MTERF4: variants seen among roughly 807,000 people sequenced by gnomAD.
The protein encoded by MTERF4 is mitochondrial transcription termination factor 4.
Under a neutral mutation model 22.5 loss-of-function variants are expected in MTERF4, and 17 were observed. That is an observed-to-expected ratio of 0.75 (90% CI 0.52 to 1.13). The LOEUF (loss-of-function observed/expected upper bound fraction) is 1.13. Among genes scored for constraint, MTERF4 ranks in the 50% most tolerant of loss-of-function variants. The probability of loss-of-function intolerance (pLI) is 0.00; values close to 1 mark genes in which losing one functional copy is unlikely to be tolerated. For missense variants in MTERF4, 420 were observed against 466.8 expected (o/e 0.90, Z 0.92); for synonymous variants, 165 against 175.3 (o/e 0.94, Z 0.47).
the MTERF4 span, chr2:241,052,598 G>T: frequency 2.7e-6 from 2 of 743,952 alleles, no homozygotes; most frequent in South Asian, 3.3e-5. Flanking sequence ...GGCCAAGCAG[G>T]ATATATGGGA....
intron 4 of MTERF4, among the ~76,000 whole-genome samples, chr2:241,078,515 T>C (rs1019222371): frequency 1.3e-5 from 2 of 151,634 alleles, no homozygotes; most frequent in Non-Finnish European, 2.9e-5. Flanking sequence ...CTTGAAAACA[T>C]GCTAAGTGGA....
the MTERF4 span, among the ~76,000 whole-genome samples, chr2:241,062,288 A>G: frequency 6.6e-6 from 1 of 152,320 alleles, no homozygotes; most frequent in Non-Finnish European, 1.5e-5. Flanking sequence ...CCCAGATGTC[A>G]CTAAGTCATT....
At chr2:241,062,715 C>T in the MTERF4 span, 3 of 943,936 alleles carry the variant, frequency 3.2e-6, no homozygotes, top group South Asian at 2.8e-5. Context: ...TCTGGCCCCT[C>T]AGGACTAGTT....
chr2:241,070,774 G>A (rs1394621075), downstream of MTERF4, among the ~76,000 whole-genome samples: 1 of 152,230 alleles, frequency 6.6e-6, no homozygotes, highest in Non-Finnish European at 1.5e-5. Flanking sequence ...GGTCTTCCAA[G>A]TTCACAGAAG....
rs892603497 is a variant in MTERF4 at position 241,073,167 on chromosome 2, C to A, written n.2995G>T. 2 of 841,342 alleles carry A rather than the reference C, an allele frequency of 2.4e-6. No homozygotes were observed. 52.1% of individuals were successfully genotyped at this position (841,342 alleles called of 1,614,324 possible). ...GAGCCTGGTCCCCACCAGGGACATC[C>A]GTGCTCCCTGAGATATAGAAGCACT... On this transcript the variant is annotated non_coding_transcript_exon_variant, in exon 5 of 5. Transcript: ENST00000464344. This position sits in a 1 kb window ranked among gnomAD's most constrained non-coding sequence, Gnocchi z 6.6.
At chr2:241,048,604 C>T in the MTERF4 span, 3 of 1,520,934 alleles carry the variant, frequency 2.0e-6, no homozygotes, top group South Asian at 1.2e-5. Flanking sequence ...GGGTCTGGAG[C>T]GAGGGTGCCA....
chr2:241,067,274 C>A (rs1270965207), downstream of MTERF4, among the ~76,000 whole-genome samples: 1 of 152,240 alleles, frequency 6.6e-6, no homozygotes, highest in African/African-American at 2.4e-5. Flanking sequence ...TCGGAGGAGA[C>A]TGGCTGGGCG....
At chr2:241,076,635 G>C (rs954290612) in intron 4 of MTERF4, among the ~76,000 whole-genome samples, 3 of 152,166 alleles carry the variant, frequency 2.0e-5, no homozygotes, top group African/African-American at 7.2e-5. Flanking sequence ...GCCTAGGCAG[G>C]TGAATCACTT....
At chr2:241,046,229 T>C in the MTERF4 span, among the ~76,000 whole-genome samples, 1 of 152,210 alleles carries the variant, frequency 6.6e-6, no homozygotes, top group Admixed American at 6.5e-5. Context: ...GTTCAGCCAC[T>C]CTAAAAACAG....
At chr2:241,085,002 C>T (rs2063511211), downstream of MTERF4, among the ~76,000 whole-genome samples, 1 of 151,554 alleles carries the variant, frequency 6.6e-6, no homozygotes, top group South Asian at 2.1e-4. Context: ...TCATTCTTAC[C>T]TGTGTTACAC....
At chr2:241,089,429 T>A (rs1009873667), downstream of MTERF4, 33 of 1,549,318 alleles carry the variant, frequency 2.1e-5, no homozygotes, top group Non-Finnish European at 2.7e-5. Flanking sequence ...CAAAACAGCT[T>A]TTCAGATATA....
At chr2:241,048,849 G>A in the MTERF4 span, 18 of 1,293,650 alleles carry the variant, frequency 1.4e-5, no homozygotes, top group South Asian at 1.4e-4. Flanking sequence ...GCCGGGGTCC[G>A]TAGGTCCAGA....
At chr2:241,100,107 G>T in intron 1 of MTERF4, 1 of 556,728 alleles carries the variant, frequency 1.8e-6, no homozygotes, top group South Asian at 2.7e-5. Context: ...TGGGAGTCAA[G>T]CAGGTACAAT....
intron 2 of MTERF4, among the ~76,000 whole-genome samples, chr2:241,098,163 G>A (rs898172828): frequency 6.6e-6 from 1 of 152,180 alleles, no homozygotes; most frequent in Non-Finnish European, 1.5e-5. Flanking sequence ...ATTTGAGTTA[G>A]TGATTATCTT....
At chr2:241,045,202 T>C in the MTERF4 span, among the ~76,000 whole-genome samples, 1 of 152,214 alleles carries the variant, frequency 6.6e-6, no homozygotes, top group Non-Finnish European at 1.5e-5. Context: ...ATTAGAAGAC[T>C]CAACGTAGTA....
downstream of MTERF4, among the ~76,000 whole-genome samples, chr2:241,090,768 G>A (rs1337902671): frequency 6.6e-6 from 1 of 151,846 alleles, no homozygotes; most frequent in East Asian, 1.9e-4. Flanking sequence ...TGAAGAGGCT[G>A]AGTCAGGAAA....
chr2:241,062,739 A>G, the MTERF4 span: 1 of 1,235,190 alleles, frequency 8.1e-7, no homozygotes, highest in East Asian at 2.5e-5. Context: ...GTGCATCTTA[A>G]TTTGGCTTAA....
chr2:241,060,749 A>G, the MTERF4 span, among the ~76,000 whole-genome samples: 1 of 152,064 alleles, frequency 6.6e-6, no homozygotes, highest in Non-Finnish European at 1.5e-5. Flanking sequence ...TGCAGCATAG[A>G]GAGACCCCCA....
chr2:241,074,838 C>G (rs1337158029), exon 5 of MTERF4: 1 of 152,128 alleles, frequency 6.6e-6, no homozygotes, highest in Non-Finnish European at 1.5e-5. Flanking sequence ...TGAACGATAC[C>G]TTCTATCTTG....
Sources: gnomAD v4.1 joint callset for allele counts (sites outside exome capture counted in the v4.1 genomes callset) on GRCh38, gnomAD v4.1.1 for gene constraint, Gnocchi (gnomAD v3.1) non-coding constraint, MANE v1.5 for transcripts, NCBI Gene and HGNC (gene_info 2026-07-23, HGNC 2026-07-21) for gene names.